Variants in UQCRC1 observed in about 807,000 individuals in gnomAD.
UQCRC1 encodes ubiquinol-cytochrome c reductase core protein 1.
Under a neutral mutation model 58.0 loss-of-function variants are expected in UQCRC1, and 34 were observed. The ratio of observed to expected loss-of-function variants is 0.59; its 90% CI spans 0.45 to 0.78. The LOEUF (loss-of-function observed/expected upper bound fraction) is 0.78. Among genes scored for constraint, UQCRC1 ranks in the 30% least tolerant of loss-of-function variants. The pLI, the probability that UQCRC1 is intolerant of heterozygous loss-of-function variation, is 0.00. For synonymous variants in UQCRC1, 276 were observed against 248.8 expected (o/e 1.11, Z -1.03); for missense variants, 610 against 646.0 (o/e 0.94, Z 0.60).
intron 8 of UQCRC1, 27 bp from the exon 9 acceptor site, chr3:48,600,867 C>G: frequency 1.2e-6 from 2 of 1,613,418 alleles, no homozygotes; most frequent in Non-Finnish European, 1.7e-6. Flanking sequence ...TGGTCAGCAC[C>G]CACCCTCTTG....
chr3:48,603,352 C>G (rs1031686208), intron 6 of UQCRC1, among the ~76,000 whole-genome samples: 1 of 152,206 alleles, frequency 6.6e-6, no homozygotes, highest in Non-Finnish European at 1.5e-5. Context: ...ACCAGAGGGA[C>G]AGCATCCTGT....
At position 48,609,395 on chromosome 3, in the gene UQCRC1, GGCAAGCGGCGA is replaced by G. The variant is rs1291023401; in HGVS notation, c.70-104_70-94del. The G allele has an allele frequency of 3.3e-6, 5 of 1,523,624 alleles. No homozygotes were observed. In the East Asian group the frequency reaches 7.3e-5, roughly 22 times the overall value. 94.4% of individuals were successfully genotyped at this position (1,523,624 alleles called of 1,614,324 possible). Reference sequence around the variant, plus strand: ...GGAGGACCCCCGAACCCCGCCCCTAGGCAAGCGGCGAGATACCTTTCCCCGCCCTCCGCCGT... The same window carrying G: ...GGAGGACCCCCGAACCCCGCCCCTAGGATACCTTTCCCCGCCCTCCGCCGT... On this transcript the variant is annotated intron_variant, in intron 1 of 12. Transcript: ENST00000203407.
At chr3:48,606,880 T>G (rs74919889) in intron 2 of UQCRC1, among the ~76,000 whole-genome samples, 1 of 152,002 alleles carries the variant, frequency 6.6e-6, no homozygotes, top group African/African-American at 2.4e-5. Flanking sequence ...TTTTTTTTTT[T>G]GACATGGAGT....
At chr3:48,604,489 C>A in intron 4 of UQCRC1, 58 bp from the exon 5 acceptor site, 1 of 1,597,638 alleles carries the variant, frequency 6.3e-7, no homozygotes, top group African/African-American at 1.3e-5. Flanking sequence ...CCAACGACAG[C>A]ACAAAATCCC....
At chr3:48,605,689 G>C in intron 3 of UQCRC1, 81 bp downstream of exon 3, 4 of 1,407,134 alleles carry the variant, frequency 2.8e-6, no homozygotes, top group Non-Finnish European at 2.9e-6. Flanking sequence ...CCCATAATCA[G>C]GCTAATTTTT....
intron 2 of UQCRC1, among the ~76,000 whole-genome samples, 195 bp downstream of exon 2, chr3:48,608,967 G>A (rs114383695): frequency 3.3e-4 from 50 of 152,298 alleles, no homozygotes; most frequent in Non-Finnish European, 5.6e-4. Context: ...AAATAATGTT[G>A]GCTTATAGTG....
rs549239973 is a variant in UQCRC1, at chr3:48,606,866, C to CT, written c.211-1011dup. ...TTTTTCACATCTACTTTCCTAAGTA[C>CT]TTTTTTTTTTTTTTGACATGGAGTC... is the stretch of plus-strand genomic sequence containing the variant. On this transcript the variant is annotated intron_variant, in intron 2 of 12. Coordinates refer to ENST00000203407, the MANE Select transcript of UQCRC1 (RefSeq NM_003365.3). 4.8e-3 allele frequency among the ~76,000 whole-genome samples: 707 copies of CT among 145,800 alleles called. 5 individuals carry two copies. Among genetic ancestry groups the CT allele is most frequent in the African/African-American group, 0.014 (560 of 40,018 alleles).
In UQCRC1 at chr3:48,604,364, A is replaced by G; in HGVS notation, c.495T>C (p.Arg165=). Residue 165 remains arginine, a synonymous_variant, in exon 5 of 13, where the codon CGT becomes CGC. Transcript: ENST00000203407. The stretch of plus-strand genomic sequence containing the variant: ...CCTGCATCTCCCGCAGGATCACATC[A>G]CGTTCCTTCTCAATCTGTGAGTCTT... ...SLEDSQIEKE[R]DVILREMQEN... 6 of 1,614,188 alleles carry G rather than the reference A, an allele frequency of 3.7e-6. No homozygotes were observed. The highest frequency in any genetic ancestry group is 5.1e-6 in the Non-Finnish European group (6 of 1,180,044).
At chr3:48,601,156 C>A (rs373589043) in intron 7 of UQCRC1, 38 bp from the exon 8 acceptor site, 56 of 1,577,098 alleles carry the variant, frequency 3.6e-5, no homozygotes, top group Non-Finnish European at 4.6e-5. Flanking sequence ...AACAGCCAGA[C>A]TGCCAGGGGA....
intron 5 of UQCRC1, 51 bp from the exon 6 acceptor site, chr3:48,603,694 T>C (rs780753563): frequency 8.4e-6 from 13 of 1,549,682 alleles, no homozygotes; most frequent in South Asian, 1.1e-5. Flanking sequence ...CTGGAGTGAG[T>C]TGGGGTACAT....
chr3:48,600,454 C>A (rs1487602374), intron 10 of UQCRC1, 28 bp downstream of exon 10: 25 of 1,613,390 alleles, frequency 1.5e-5, no homozygotes, highest in Non-Finnish European at 2.1e-5. Flanking sequence ...ATGTACTCTA[C>A]CCCTCCCCGC....
At chr3:48,608,451 T>C (rs1331315438) in intron 2 of UQCRC1, among the ~76,000 whole-genome samples, 1 of 152,264 alleles carries the variant, frequency 6.6e-6, no homozygotes, top group Non-Finnish European at 1.5e-5. Flanking sequence ...TTAGAGTTCA[T>C]GTAATATAGC....
intron 2 of UQCRC1, 76 bp from the exon 3 acceptor site, chr3:48,605,932 T>C (rs2046407155): frequency 7.0e-7 from 1 of 1,424,868 alleles, no homozygotes; most frequent in African/African-American, 1.4e-5. Context: ...CCTGAGTGAC[T>C]CAGTACAAGC....
intron 12 of UQCRC1, 197 bp downstream of exon 12, chr3:48,599,438 G>A: frequency 1.4e-6 from 1 of 698,706 alleles, no homozygotes; most frequent in Non-Finnish European, 2.4e-6. Context: ...AAGGCACCTT[G>A]GCAGGCAGTC....
chr3:48,604,142 G>C, intron 5 of UQCRC1, 91 bp downstream of exon 5: 1 of 1,423,324 alleles, frequency 7.0e-7, no homozygotes, highest in Non-Finnish European at 9.7e-7. Flanking sequence ...AAATAACCCC[G>C]ACAGCTAGCC....
rs771002992 is a variant in UQCRC1, at chr3:48,599,662, C to G, written c.1351G>C (p.Asp451His). The G allele has an allele frequency of 6.2e-7, 1 of 1,613,850 alleles. No individual in the cohort carries two copies. Among genetic ancestry groups the G allele is most frequent in the South Asian group, 1.1e-5 (1 of 91,038 alleles). The stretch of plus-strand genomic sequence containing the variant: ...TATCCAGCCACTGCTGGGCACTGGT[C>G]ATAGATGTACTTGGAGCAGATCTCA... The part of the protein sequence containing the change: ...VREICSKYIY[D>H]QCPAVAGYGP... The change falls in exon 12 of 13, where the codon GAC (aspartate) becomes CAC (histidine). Residue 451 changes from aspartate to histidine, a missense_variant. Asp to His is a moderately conservative substitution (Grantham distance 81). Transcript: ENST00000203407.
At position 48,600,531 on chromosome 3, in the gene UQCRC1, C is replaced by T. The variant is rs140583334; in HGVS notation, c.1164G>A (p.Val388=). The change falls in exon 10 of 13, where the codon GTG becomes GTA. Residue 388 remains valine (V), a synonymous_variant. Transcript: ENST00000203407. ...RLCTSATESE[V]ARGKNILRNA... ...TTCTGAGGATGTTTTTGCCCCGGGC[C>T]ACCTCACTCTCCGTGGCACTGGTAC... is the stretch of plus-strand genomic sequence containing the variant. 6.2e-7 allele frequency: 1 copy of T among 1,614,066 alleles called. No homozygotes were observed.
chr3:48,606,086 A>G (rs950656497), intron 2 of UQCRC1, among the ~76,000 whole-genome samples: 7 of 152,224 alleles, frequency 4.6e-5, no homozygotes, highest in Non-Finnish European at 1.0e-4. Flanking sequence ...TTGGCTATCA[A>G]GGACCCACAG....
chr3:48,600,384 T>C (rs548810979), intron 10 of UQCRC1, 98 bp downstream of exon 10: 8 of 1,489,704 alleles, frequency 5.4e-6, no homozygotes, highest in Non-Finnish European at 7.4e-6. Context: ...TCTTCAAAGT[T>C]TTCCTTTCTA....
Sources: allele counts gnomAD v4.1 joint callset (sites outside exome capture counted in the v4.1 genomes callset), GRCh38; gene constraint gnomAD v4.1.1; transcripts MANE v1.5; gene names NCBI Gene and HGNC (gene_info 2026-07-23, HGNC 2026-07-21).